Variants in PDZD2 observed in about 807,000 individuals in gnomAD.
The protein encoded by PDZD2 is PDZ domain-containing protein 2.
PDZD2 carries 90 observed loss-of-function variants against 220.7 expected under a neutral mutation model. That is an observed-to-expected ratio of 0.41 (90% CI 0.34 to 0.49). The LOEUF (loss-of-function observed/expected upper bound fraction) is 0.49. PDZD2 is among the 20% of genes least tolerant of loss of function. The pLI is 0.28. For synonymous variants in PDZD2, 1,375 were observed against 1,450.5 expected (o/e 0.95, Z 1.18); for missense variants, 3,174 against 3,608.5 (o/e 0.88, Z 3.08).
rs186256410 is a variant in PDZD2, at chr5:31,817,924, G to C, written c.476+18200G>C. Among the ~76,000 whole-genome samples the C allele has an allele frequency of 7.1e-3, 1,063 of 150,406 alleles. 7 individuals are homozygous for C. The highest frequency in any genetic ancestry group is 0.025 in the African/African-American group (1,034 of 40,822). On this transcript the variant is annotated intron_variant, in intron 2 of 24. Transcript: ENST00000438447. The stretch of plus-strand genomic sequence containing the variant: ...GGTGATCCGCCTGCCTTGGCCTCCC[G>C]AAGTACTGGGATTACTGGCATGAGC...
intron 1 of PDZD2, among the ~76,000 whole-genome samples, chr5:31,649,655 C>G (rs902636214): frequency 6.6e-6 from 1 of 152,054 alleles, no homozygotes; most frequent in African/African-American, 2.4e-5. Flanking sequence ...CAAGTCTCGG[C>G]TGGGCGCGGC....
At chr5:31,861,857 G>A (rs1485863580) in intron 2 of PDZD2, among the ~76,000 whole-genome samples, 1 of 152,098 alleles carries the variant, frequency 6.6e-6, no homozygotes, top group East Asian at 1.9e-4. Flanking sequence ...ACAGGAGAAA[G>A]TACCCTGTTT....
rs528434795 is a variant in PDZD2, at chr5:32,017,095, C to T, written c.1407+6613C>T. ...GCAATGCCCCCTGCATACCTCTCGT[C>T]GTAAGCTTTGGTCGCCTTCCACTGT... is the stretch of plus-strand genomic sequence containing the variant. On this transcript the variant is annotated intron_variant, in intron 6 of 24. Transcript: ENST00000438447. Among the ~76,000 whole-genome samples the T allele has an allele frequency of 2.0e-3, 311 of 152,268 alleles. 1 individual carries two copies. The highest frequency in any genetic ancestry group is 3.0e-3 in the Non-Finnish European group (201 of 68,016).
intron 1 of PDZD2, among the ~76,000 whole-genome samples, chr5:31,727,773 C>T (rs772970965): frequency 4.6e-5 from 7 of 150,832 alleles, no homozygotes; most frequent in Non-Finnish European, 8.8e-5. Flanking sequence ...GAGGCCGAGG[C>T]GGGCGGATCA....
chr5:32,086,731 C>G (rs1046490630), intron 19 of PDZD2, among the ~76,000 whole-genome samples: 1 of 152,016 alleles, frequency 6.6e-6, no homozygotes, highest in African/African-American at 2.4e-5. Context: ...GGCTGCAGTG[C>G]AATGGCACAT....
chr5:31,742,742 G>A (rs1750345480), intron 1 of PDZD2, among the ~76,000 whole-genome samples: 1 of 152,130 alleles, frequency 6.6e-6, no homozygotes, highest in Non-Finnish European at 1.5e-5. Flanking sequence ...AATAATATTC[G>A]TGTCTTCCCA....
intron 1 of PDZD2, among the ~76,000 whole-genome samples, chr5:31,735,016 G>T (rs185457640): frequency 7.9e-5 from 12 of 152,132 alleles, no homozygotes; most frequent in African/African-American, 2.9e-4. Context: ...CTATCCCTTG[G>T]CTTCAAGGTT....
At chr5:31,666,751 T>C (rs1038882096) in intron 1 of PDZD2, among the ~76,000 whole-genome samples, 6 of 152,186 alleles carry the variant, frequency 3.9e-5, no homozygotes, top group Admixed American at 6.5e-5. Context: ...GTGAGCGTAA[T>C]GATAAATGCA....
chr5:31,966,965 T>G (rs534736007), intron 2 of PDZD2, among the ~76,000 whole-genome samples: 2 of 152,350 alleles, frequency 1.3e-5, no homozygotes, highest in African/African-American at 4.8e-5. Context: ...TGCGTGACCT[T>G]AGCCAGAACA....
intron 2 of PDZD2, among the ~76,000 whole-genome samples, chr5:31,867,920 A>C (rs541579214): frequency 1.5e-4 from 23 of 152,010 alleles, no homozygotes; most frequent in Admixed American, 5.9e-4. Flanking sequence ...AGAGCAGGGC[A>C]GGGGGAGCTG....
At chr5:31,691,222 T>TA (rs1442186938) in intron 1 of PDZD2, among the ~76,000 whole-genome samples, 28 of 152,064 alleles carry the variant, frequency 1.8e-4, no homozygotes, top group Non-Finnish European at 1.5e-5. Context: ...CGGTGAGTGT[T>TA]ACAGCTCTTA....
At chr5:31,844,262 A>G in intron 2 of PDZD2, among the ~76,000 whole-genome samples, 1 of 152,192 alleles carries the variant, frequency 6.6e-6, no homozygotes, top group African/African-American at 2.4e-5. Context: ...ATGATGCAAA[A>G]AGAATGATCA....
intron 2 of PDZD2, among the ~76,000 whole-genome samples, chr5:31,803,108 T>A (rs10062180): frequency 0.016 from 2,401 of 150,678 alleles, 72 homozygotes; most frequent in African/African-American, 0.056. Flanking sequence ...TTTATTTTTT[T>A]TTTTTGCAGA....
chr5:32,017,114 C>T (rs1753845599), intron 6 of PDZD2, among the ~76,000 whole-genome samples: 1 of 152,194 alleles, frequency 6.6e-6, no homozygotes, highest in Admixed American at 6.5e-5. Context: ...TGGTCGCCTT[C>T]CACTGTCTTG....
intron 2 of PDZD2, among the ~76,000 whole-genome samples, chr5:31,863,232 C>T (rs1009287827): frequency 5.9e-5 from 9 of 152,166 alleles, no homozygotes; most frequent in African/African-American, 1.9e-4. Flanking sequence ...TCTTCTTGAC[C>T]CCTAACCTTC....
At position 31,660,499 on chromosome 5, in the gene PDZD2, G is replaced by A. The variant is rs1056100840; in HGVS notation, c.-361+21062G>A. Reference sequence around the variant, plus strand: ...AGGCCTCAGGAAATTTACAATCAAGGCAGAAGGGGAAGCAAACATGTCCTT... The same window carrying A: ...AGGCCTCAGGAAATTTACAATCAAGACAGAAGGGGAAGCAAACATGTCCTT... On this transcript the variant is annotated intron_variant, in intron 1 of 24. Coordinates refer to ENST00000438447, the MANE Select transcript of PDZD2 (RefSeq NM_178140.4). Among the ~76,000 whole-genome samples the A allele has an allele frequency of 1.3e-4, 20 of 152,084 alleles. 1 individual carries two copies. The highest frequency in any genetic ancestry group is 6.5e-5 in the Admixed American group (1 of 15,268).
intron 7 of PDZD2, among the ~76,000 whole-genome samples, chr5:32,046,481 G>T (rs566281912): frequency 1.3e-5 from 2 of 152,128 alleles, no homozygotes; most frequent in African/African-American, 2.4e-5. Context: ...GAGCTCAGGC[G>T]ATCGGCCCAC....
At chr5:31,993,289 A>T (rs1751371921) in intron 3 of PDZD2, among the ~76,000 whole-genome samples, 1 of 152,222 alleles carries the variant, frequency 6.6e-6, no homozygotes, top group Non-Finnish European at 1.5e-5. Flanking sequence ...ATTTGGCCAG[A>T]CAGGCTTCAT....
intron 2 of PDZD2, among the ~76,000 whole-genome samples, chr5:31,945,482 A>G (rs983619810): frequency 2.6e-5 from 4 of 152,138 alleles, no homozygotes; most frequent in African/African-American, 9.7e-5. Context: ...GTGGTTGACT[A>G]TGAGAACATC....
Sources: gnomAD v4.1 joint callset for allele counts (sites outside exome capture counted in the v4.1 genomes callset) on GRCh38, gnomAD v4.1.1 for gene constraint, MANE v1.5 for transcripts, NCBI Gene and HGNC (gene_info 2026-07-23, HGNC 2026-07-21) for gene names.